Variants in CADPS observed in about 807,000 individuals in gnomAD.
CADPS encodes calcium-dependent secretion activator 1.
In CADPS, 57 loss-of-function variants were observed where a neutral mutation model predicts 167.3. That is an observed-to-expected ratio of 0.34 (90% CI 0.28 to 0.42). The LOEUF (loss-of-function observed/expected upper bound fraction) is 0.42, where lower values mean the gene tolerates loss of function less well. Among genes scored for constraint, CADPS ranks in the 20% least tolerant of loss-of-function variants. The pLI, the probability that CADPS is intolerant of heterozygous loss-of-function variation, is 1.00. For missense variants in CADPS, 1,414 were observed against 1,738.1 expected (o/e 0.81, Z 3.32); for synonymous variants, 676 against 635.3 (o/e 1.06, Z -0.96).
chr3:62,862,498 T>C (rs1298653555), intron 1 of CADPS, among the ~76,000 whole-genome samples: 1 of 152,164 alleles, frequency 6.6e-6, no homozygotes, highest in Non-Finnish European at 1.5e-5. Context: ...TGTGAGCCAC[T>C]GTGCCCTGCC....
chr3:62,787,237 G>C (rs2092539992), intron 1 of CADPS, among the ~76,000 whole-genome samples: 1 of 152,138 alleles, frequency 6.6e-6, no homozygotes, highest in African/African-American at 2.4e-5. Context: ...GGAGGTTGTA[G>C]TGAGCCAAGA....
chr3:62,713,928 C>T (rs531900074), intron 3 of CADPS, among the ~76,000 whole-genome samples: 1 of 152,310 alleles, frequency 6.6e-6, no homozygotes, highest in South Asian at 2.1e-4. Flanking sequence ...TCTGCCTTTT[C>T]TGAACCTCAT....
chr3:62,471,240 A>G (rs2060570179), intron 24 of CADPS, among the ~76,000 whole-genome samples: 1 of 152,166 alleles, frequency 6.6e-6, no homozygotes, highest in Non-Finnish European at 1.5e-5. Flanking sequence ...CTCCCAGGTC[A>G]AGCTAAGGTC....
At chr3:62,668,484 A>G (rs1280310047) in intron 3 of CADPS, among the ~76,000 whole-genome samples, 1 of 152,122 alleles carries the variant, frequency 6.6e-6, no homozygotes, top group Non-Finnish European at 1.5e-5. Flanking sequence ...TCATGCCTGG[A>G]GCACTCTTCC....
intron 17 of CADPS, among the ~76,000 whole-genome samples, chr3:62,502,937 C>G (rs559291723): frequency 6.6e-6 from 1 of 151,766 alleles, no homozygotes. Flanking sequence ...AAAGAACAAC[C>G]AAATAAGCAA....
At chr3:62,788,601 T>A (rs1263727536) in intron 1 of CADPS, among the ~76,000 whole-genome samples, 1 of 152,204 alleles carries the variant, frequency 6.6e-6, no homozygotes, top group Non-Finnish European at 1.5e-5. Context: ...GTATGTGTAC[T>A]TTAGTCCTGT....
intron 6 of CADPS, chr3:62,625,568 C>T (rs2965051): frequency 0.93 from 140,679 of 150,602 alleles, 66,396 homozygotes; most frequent in East Asian, 1. Flanking sequence ...TAGTTTCGTC[C>T]GCAAAGCTCT....
At chr3:62,511,415 T>G (rs998897187) in intron 17 of CADPS, among the ~76,000 whole-genome samples, 19 of 152,166 alleles carry the variant, frequency 1.2e-4, no homozygotes, top group African/African-American at 4.6e-4. Flanking sequence ...TTAAGTTCTG[T>G]GCCTCCGTTT....
At position 62,433,844 on chromosome 3, in the gene CADPS, C is replaced by T. The variant is rs1291393674; in HGVS notation, c.3777+4260G>A. ...CTCTTGATGATCTGATCTCTAATTT[C>T]AAAAAGCATGTTTTTATTTTGGGGA... is the stretch of plus-strand genomic sequence containing the variant. On this transcript the variant is annotated intron_variant, in intron 28 of 29. Transcript: ENST00000383710. The surrounding 1 kb of genome is among the most constrained non-coding windows in gnomAD (Gnocchi z 4.7). 6.6e-6 allele frequency among the ~76,000 whole-genome samples: 1 copy of T among 152,086 alleles called. No homozygotes were observed. The highest frequency in any genetic ancestry group is 1.5e-5 in the Non-Finnish European group (1 of 68,006).
rs2083308815 is a variant in CADPS, at chr3:62,874,560, T to C, written c.441+29A>G. On this transcript the variant is annotated intron_variant, in intron 1 of 29. Transcript: ENST00000383710. This position sits in a 1 kb window ranked among gnomAD's most constrained non-coding sequence, Gnocchi z 7.1. ...CGCCCGCCTGGCGACGTCCGGGTGC[T>C]GCTCCCTGGGCCTCCCAGGCGCACC... 23 of 1,524,556 alleles carry C rather than the reference T, an allele frequency of 1.5e-5. No homozygotes were observed. The highest frequency in any genetic ancestry group is 2.0e-5 in the Non-Finnish European group (22 of 1,127,958). The allele number at this position is 1,524,556 out of a possible 1,614,324, so 94.4% of individuals were successfully genotyped here.
chr3:62,837,885 C>A (rs1424778213), intron 1 of CADPS, among the ~76,000 whole-genome samples: 3 of 152,170 alleles, frequency 2.0e-5, no homozygotes, highest in Non-Finnish European at 2.9e-5. Context: ...TACTGCCACA[C>A]AATGAGCCCT....
At chr3:62,523,687 A>C (rs1202354593) in intron 13 of CADPS, among the ~76,000 whole-genome samples, 1 of 152,190 alleles carries the variant, frequency 6.6e-6, no homozygotes, top group Non-Finnish European at 1.5e-5. Context: ...GAAATGTATG[A>C]ATTCCACAGA....
chr3:62,456,229 T>C (rs1202843793), intron 26 of CADPS, among the ~76,000 whole-genome samples: 3 of 152,228 alleles, frequency 2.0e-5, no homozygotes, highest in Non-Finnish European at 2.9e-5. Context: ...TTCCTGATTT[T>C]GGCTGCAACC....
intron 6 of CADPS, among the ~76,000 whole-genome samples, chr3:62,609,423 T>C (rs1343526037): frequency 1.3e-5 from 2 of 152,210 alleles, no homozygotes; most frequent in African/African-American, 4.8e-5. Flanking sequence ...TCCACCACAT[T>C]GAGTGAGGCT....
chr3:62,499,964 T>C (rs976101009), intron 17 of CADPS: 1 of 152,218 alleles, frequency 6.6e-6, no homozygotes, highest in Non-Finnish European at 1.5e-5. Flanking sequence ...TTTTAGTTTC[T>C]CTTAAACTGA....
chr3:62,478,500 G>A lies in CADPS; in HGVS notation c.3174-84C>T. The A allele has an allele frequency of 1.5e-6, 2 of 1,310,518 alleles. No individual in the cohort carries two copies. The highest frequency in any genetic ancestry group is 2.1e-6 in the Non-Finnish European group (2 of 941,500). 81.2% of individuals were successfully genotyped at this position (1,310,518 alleles called of 1,614,324 possible). ...CTAACACAGAGACAACTGGGGGCTAGAAGGCAAACAGCAGCTTCAACATAC... is the reference window on the plus strand; with the variant it reads ...CTAACACAGAGACAACTGGGGGCTAAAAGGCAAACAGCAGCTTCAACATAC... On this transcript the variant is annotated intron_variant, in intron 22 of 29. Transcript: ENST00000383710. This position sits in a 1 kb window ranked among gnomAD's most constrained non-coding sequence, Gnocchi z 5.7.
At chr3:62,599,059 GC>G (rs1364178918) in intron 6 of CADPS, among the ~76,000 whole-genome samples, 1 of 152,112 alleles carries the variant, frequency 6.6e-6, no homozygotes, top group Non-Finnish European at 1.5e-5. Flanking sequence ...CTTTGCCCTT[GC>G]TGTGCAACTG....
Position 62,633,081 on chromosome 3 carries a change from T to G in CADPS, c.1325+12641A>C, listed in dbSNP as rs564165433. 5.9e-5 allele frequency among the ~76,000 whole-genome samples: 9 copies of G among 151,952 alleles called. No homozygotes were observed. The East Asian group carries it at 1.8e-3, about 30-fold the overall frequency. ...GCAGCATCTGGTGGTAATAAACAAT[T>G]GCAAACTCCGGAGAGAAGAGCCAAG... On this transcript the variant is annotated intron_variant, in intron 6 of 29. Transcript: ENST00000383710.
At chr3:62,645,646 T>C (rs2068385474) in intron 6 of CADPS, 76 bp downstream of exon 6, 14 of 1,511,224 alleles carry the variant, frequency 9.3e-6, no homozygotes, top group Non-Finnish European at 1.3e-5. Flanking sequence ...AACCAGATCT[T>C]TACCTTGGAG....
Sources: gnomAD v4.1 joint callset for allele counts (sites outside exome capture counted in the v4.1 genomes callset) on GRCh38, gnomAD v4.1.1 for gene constraint, Gnocchi (gnomAD v3.1) non-coding constraint, MANE v1.5 for transcripts, NCBI Gene and HGNC (gene_info 2026-07-23, HGNC 2026-07-21) for gene names.